GRAMD1B: variants seen among roughly 807,000 people sequenced by gnomAD.
GRAMD1B encodes the protein GRAM domain containing 1B.
In GRAMD1B, 37 loss-of-function variants were observed where a neutral mutation model predicts 99.7. That is an observed-to-expected ratio of 0.37 (90% CI 0.29 to 0.49). The LOEUF (loss-of-function observed/expected upper bound fraction) is 0.49, where lower values mean the gene tolerates loss of function less well. GRAMD1B is among the 20% of genes least tolerant of loss of function. The pLI is 0.98. For missense variants in GRAMD1B, 888 were observed against 1,009.2 expected (o/e 0.88, Z 1.63); for synonymous variants, 427 against 387.6 (o/e 1.10, Z -1.19).
intron 2 of GRAMD1B, among the ~76,000 whole-genome samples, chr11:123,529,092 T>TA (rs1943092893): frequency 6.6e-6 from 1 of 152,182 alleles, no homozygotes; most frequent in African/African-American, 2.4e-5. Context: ...ATTGTGAAGT[T>TA]AAAAAAATTT....
chr11:123,545,867 G>A (rs1944999243), intron 2 of GRAMD1B, among the ~76,000 whole-genome samples: 1 of 152,198 alleles, frequency 6.6e-6, no homozygotes, highest in African/African-American at 2.4e-5. Flanking sequence ...TAAATGACCA[G>A]CAATTCTCTG....
intron 2 of GRAMD1B, among the ~76,000 whole-genome samples, chr11:123,552,860 G>A (rs574964170): frequency 1.3e-5 from 2 of 152,300 alleles, no homozygotes; most frequent in South Asian, 2.1e-4. Flanking sequence ...TTCTCAATGA[G>A]TGTTAGCTCT....
chr11:123,612,920 C>A, intron 15 of GRAMD1B, 56 bp downstream of exon 15: 4 of 950,294 alleles, frequency 4.2e-6, no homozygotes, highest in Non-Finnish European at 6.7e-6. Context: ...AACTGCACTG[C>A]GGCCGCCCAC....
At chr11:123,467,416 T>TTTTA (rs1555127430) in intron 1 of GRAMD1B, among the ~76,000 whole-genome samples, 16 of 139,420 alleles carry the variant, frequency 1.1e-4, no homozygotes, top group African/African-American at 2.2e-4. Context: ...TTTTTTTTTT[T>TTTTA]ACTGACTTTC....
At chr11:123,589,612 T>TATATATATA in intron 4 of GRAMD1B, among the ~76,000 whole-genome samples, 1 of 130,672 alleles carries the variant, frequency 7.7e-6, no homozygotes, top group South Asian at 2.3e-4. Context: ...TGTGGCTAAT[T>TATATATATA]TTTATATATA....
intron 19 of GRAMD1B, chr11:123,619,639 T>A: frequency 1.1e-5 from 4 of 351,374 alleles, no homozygotes; most frequent in Non-Finnish European, 1.6e-5. Context: ...TGACAGTCAG[T>A]GGCACTGCAC....
intron 2 of GRAMD1B, chr11:123,491,968 T>A: frequency 2.5e-6 from 1 of 399,262 alleles, no homozygotes; most frequent in Admixed American, 4.4e-5. Context: ...AAGTAGGTGG[T>A]GGGGACCCTG....
chr11:123,578,914 G>A (rs1393080508), intron 3 of GRAMD1B, among the ~76,000 whole-genome samples: 2 of 152,168 alleles, frequency 1.3e-5, no homozygotes, highest in African/African-American at 4.8e-5. Flanking sequence ...GAGTTCATTG[G>A]TGCAGCAGCC....
intron 1 of GRAMD1B, among the ~76,000 whole-genome samples, chr11:123,411,188 T>C (rs558678466): frequency 1.4e-3 from 214 of 152,020 alleles, no homozygotes; most frequent in Non-Finnish European, 2.4e-3. Flanking sequence ...GTATATTTAG[T>C]AGAGACGGTA....
At chr11:123,525,411 A>G (rs1942609980) in intron 2 of GRAMD1B, among the ~76,000 whole-genome samples, 1 of 152,150 alleles carries the variant, frequency 6.6e-6, no homozygotes, top group South Asian at 2.1e-4. Flanking sequence ...CCTAGGGTCC[A>G]GGTTCCCCTC....
intron 1 of GRAMD1B, among the ~76,000 whole-genome samples, chr11:123,366,684 C>T (rs539442050): frequency 6.4e-4 from 97 of 152,226 alleles, no homozygotes; most frequent in South Asian, 1.2e-3. Context: ...GGATTTTATT[C>T]CTCTGTGGGC....
Position 123,626,105 on chromosome 11 carries a change from T to C in GRAMD1B, c.*3510T>C, listed in dbSNP as rs565529504. 6.6e-6 allele frequency: 1 copy of C among 152,386 alleles called. No individual in the cohort carries two copies. The highest frequency in any genetic ancestry group is 1.9e-4 in the East Asian group (1 of 5,182). The allele number at this position is 152,386 out of a possible 1,614,324, so 9.4% of individuals were successfully genotyped here. A position where few individuals can be genotyped will look rare whatever the true frequency, so the allele number is the denominator to read the frequency against. On this transcript the variant is annotated 3_prime_UTR_variant, in exon 20 of 20. Coordinates refer to ENST00000635736, the MANE Select transcript of GRAMD1B (RefSeq NM_001387025.1). ...AGAAGAACATTCTTTTCAATGGAGC[T>C]CATCTTCTATCTCTAGGGTCTGTTC...
chr11:123,611,950 A>G (rs1953648825), intron 14 of GRAMD1B, among the ~76,000 whole-genome samples: 1 of 152,116 alleles, frequency 6.6e-6, no homozygotes, highest in African/African-American at 2.4e-5. Flanking sequence ...TGCATAGGAG[A>G]GAAAAGAGCT....
intron 1 of GRAMD1B, among the ~76,000 whole-genome samples, chr11:123,418,139 A>G (rs1470704630): frequency 6.6e-6 from 1 of 152,196 alleles, no homozygotes; most frequent in Non-Finnish European, 1.5e-5. Flanking sequence ...CAAATGGAAT[A>G]AACAGACATT....
chr11:123,381,595 A>G (rs978347528), intron 1 of GRAMD1B: 2 of 152,456 alleles, frequency 1.3e-5, no homozygotes, highest in African/African-American at 4.8e-5. Context: ...TGGAACTGGA[A>G]GGGATTCAGA....
At position 123,606,768 on chromosome 11, in the gene GRAMD1B, C is replaced by T. The variant is rs1952794547; in HGVS notation, c.1483C>T (p.Leu495Phe). 3 of 1,613,816 alleles carry T rather than the reference C, an allele frequency of 1.9e-6. No individual in the cohort carries two copies. Among genetic ancestry groups the T allele is most frequent in the Non-Finnish European group, 2.5e-6 (3 of 1,179,796 alleles). The change falls in exon 11 of 20, where the codon CTC becomes TTC. Residue 495 changes from leucine to phenylalanine, a missense_variant. This residue lies in a region of GRAMD1B where 269 missense variants were observed against 296.6 expected (regional missense o/e 0.91). Transcript: ENST00000635736. Reference sequence around the variant, plus strand: ...TGACAATGAGGACATCCCCACTGAGCTCAGTGACTCTTCCGACACACACGA... The same window carrying T: ...TGACAATGAGGACATCCCCACTGAGTTCAGTGACTCTTCCGACACACACGA... ...FNDNEDIPTE[L>F]SDSSDTHDEG... is the part of the protein sequence containing the mutation.
intron 2 of GRAMD1B, among the ~76,000 whole-genome samples, chr11:123,511,276 G>A (rs1169705200): frequency 2.0e-5 from 3 of 152,178 alleles, no homozygotes; most frequent in Admixed American, 6.5e-5. Context: ...TTGGCCTTGG[G>A]ATTGGAGAGG....
At chr11:123,466,115 A>C (rs1950644774) in intron 1 of GRAMD1B, among the ~76,000 whole-genome samples, 1 of 152,076 alleles carries the variant, frequency 6.6e-6, no homozygotes. Context: ...ATTTCTGCTA[A>C]AAATACAAAA....
chr11:123,374,585 A>G (rs931673642), intron 1 of GRAMD1B, among the ~76,000 whole-genome samples: 4 of 152,240 alleles, frequency 2.6e-5, no homozygotes, highest in Admixed American at 2.6e-4. Flanking sequence ...TACAGGCATT[A>G]TAGCCTTCGA....
Sources: allele counts gnomAD v4.1 joint callset (sites outside exome capture counted in the v4.1 genomes callset), GRCh38; gene constraint gnomAD v4.1.1; regional missense constraint gnomAD v4.1.1; transcripts MANE v1.5; gene names NCBI Gene and HGNC (gene_info 2026-07-23, HGNC 2026-07-21).